Variants in SUGCT observed in about 807,000 individuals in gnomAD.
SUGCT encodes succinyl-CoA:glutarate CoA-transferase.
Under a neutral mutation model 55.0 loss-of-function variants are expected in SUGCT, and 41 were observed. The ratio of observed to expected loss-of-function variants is 0.74; its 90% CI spans 0.58 to 0.97. The LOEUF (loss-of-function observed/expected upper bound fraction) is 0.97, where lower values mean the gene tolerates loss of function less well. Ranked by LOEUF, SUGCT falls within the 50% of genes least tolerant of loss-of-function variation. The pLI, the probability that SUGCT is intolerant of heterozygous loss-of-function variation, is 0.00. For synonymous variants in SUGCT, 187 were observed against 200.4 expected, an observed-to-expected ratio of 0.93 and a Z score of 0.56; for missense variants, 568 against 547.8, an observed-to-expected ratio of 1.04 and a Z score of -0.37.
intron 9 of SUGCT, among the ~76,000 whole-genome samples, chr7:40,448,955 TATATATAG>T (rs955920428): frequency 6.3e-5 from 9 of 143,988 alleles, no homozygotes; most frequent in Non-Finnish European, 1.4e-4. Context: ...TGTGTGTATA[TATATATAG>T]AGAGAGAGAG....
chr7:40,846,908 T>C (rs1317247770), intron 13 of SUGCT, among the ~76,000 whole-genome samples: 1 of 152,198 alleles, frequency 6.6e-6, no homozygotes, highest in Non-Finnish European at 1.5e-5. Flanking sequence ...ATAATGATCC[T>C]ACCTTTTAAA....
At chr7:40,498,246 C>T (rs1792093734) in intron 12 of SUGCT, among the ~76,000 whole-genome samples, 2 of 152,152 alleles carry the variant, frequency 1.3e-5, no homozygotes, top group African/African-American at 4.8e-5. Flanking sequence ...GAAAACCCTC[C>T]AGATGACATC....
chr7:40,948,680 C>G, the SUGCT span, among the ~76,000 whole-genome samples: 1 of 151,930 alleles, frequency 6.6e-6, no homozygotes, highest in South Asian at 2.1e-4. Flanking sequence ...GTTCAACTCC[C>G]ACTTATTAGT....
intron 9 of SUGCT, among the ~76,000 whole-genome samples, chr7:40,405,536 C>T (rs911388542): frequency 4.6e-5 from 7 of 152,000 alleles, no homozygotes; most frequent in African/African-American, 9.7e-5. Flanking sequence ...AGGAGCTGGG[C>T]GTGGTGGCTT....
intron 9 of SUGCT, among the ~76,000 whole-genome samples, chr7:40,329,544 T>G (rs1404549609): frequency 6.6e-6 from 1 of 152,210 alleles, no homozygotes; most frequent in Non-Finnish European, 1.5e-5. Flanking sequence ...CCCCTCCTCC[T>G]TCTCGCCTGA....
intron 13 of SUGCT, among the ~76,000 whole-genome samples, chr7:40,768,375 A>T (rs905124921): frequency 6.6e-6 from 1 of 152,034 alleles, no homozygotes; most frequent in Non-Finnish European, 1.5e-5. Context: ...AGAGTCCTCA[A>T]TGGCACCATG....
intron 13 of SUGCT, among the ~76,000 whole-genome samples, chr7:40,858,060 A>G (rs1209326161): frequency 6.6e-6 from 1 of 152,108 alleles, no homozygotes; most frequent in Admixed American, 6.5e-5. Flanking sequence ...CATTTCCTTC[A>G]ATGTCCTAAT....
At chr7:40,314,581 T>TTTTTTAAA (rs869061757) in intron 8 of SUGCT, among the ~76,000 whole-genome samples, 1 of 148,960 alleles carries the variant, frequency 6.7e-6, no homozygotes, top group African/African-American at 2.5e-5. Flanking sequence ...TTTTTTTTTT[T>TTTTTTAAA]AAGACAGAGT....
intron 12 of SUGCT, among the ~76,000 whole-genome samples, chr7:40,648,381 A>G (rs575168313): frequency 1.3e-5 from 2 of 152,258 alleles, no homozygotes; most frequent in South Asian, 4.1e-4. Context: ...GATGCATGCT[A>G]TTTGGCCTGT....
chr7:40,789,062 T>C (rs1337295382), intron 13 of SUGCT, among the ~76,000 whole-genome samples: 1 of 152,210 alleles, frequency 6.6e-6, no homozygotes, highest in Non-Finnish European at 1.5e-5. Context: ...CTGGGATCCA[T>C]CTAGGCTTTC....
the SUGCT span, among the ~76,000 whole-genome samples, chr7:41,034,518 C>A: frequency 2.0e-5 from 3 of 152,288 alleles, no homozygotes; most frequent in South Asian, 2.1e-4. Context: ...CTGCTCACAT[C>A]TAGACCCACA....
rs1011581222 is a variant in SUGCT at position 40,166,747 on chromosome 7, C to T, written c.101-14200C>T. ...ACTAAAAATACAAAAATTAGTCAGG[C>T]ATGGTGGTGGGTGCCTGTAATTCCA... On this transcript the variant is annotated intron_variant, in intron 1 of 13. Coordinates refer to ENST00000335693, the MANE Select transcript of SUGCT (RefSeq NM_001193313.2). Among the ~76,000 whole-genome samples, 4 of 152,116 alleles carry T rather than the reference C, an allele frequency of 2.6e-5. No homozygotes were observed. The East Asian group carries it at 5.8e-4, about 22-fold the overall frequency.
intron 12 of SUGCT, among the ~76,000 whole-genome samples, chr7:40,741,740 T>A (rs1417229947): frequency 6.6e-6 from 1 of 152,244 alleles, no homozygotes; most frequent in African/African-American, 2.4e-5. Context: ...GCATACTTCA[T>A]ATTAATGGCC....
At chr7:40,985,841 G>T in the SUGCT span, among the ~76,000 whole-genome samples, 1 of 152,192 alleles carries the variant, frequency 6.6e-6, no homozygotes, top group Non-Finnish European at 1.5e-5. Context: ...CAGCCCTTCT[G>T]GATAGTAAAA....
intron 13 of SUGCT, among the ~76,000 whole-genome samples, chr7:40,844,325 A>C (rs980948453): frequency 2.0e-5 from 3 of 152,132 alleles, no homozygotes; most frequent in Non-Finnish European, 4.4e-5. Flanking sequence ...AGGAAGAATC[A>C]GGTCACCCAA....
chr7:40,881,831 A>G, the SUGCT span, among the ~76,000 whole-genome samples: 1 of 152,184 alleles, frequency 6.6e-6, no homozygotes, highest in Non-Finnish European at 1.5e-5. Context: ...GGAAAGCCGA[A>G]GGAGGAGCTT....
At chr7:40,601,833 G>T (rs1335360700) in intron 12 of SUGCT, among the ~76,000 whole-genome samples, 2 of 152,002 alleles carry the variant, frequency 1.3e-5, no homozygotes, top group East Asian at 3.9e-4. Flanking sequence ...GAAGCCAAAA[G>T]ATTGGACACC....
intron 12 of SUGCT, among the ~76,000 whole-genome samples, chr7:40,623,429 T>C (rs1435671719): frequency 3.9e-5 from 6 of 152,198 alleles, no homozygotes; most frequent in Admixed American, 2.6e-4. Flanking sequence ...CTACTGTAAA[T>C]AGGAGAGCTG....
chr7:40,385,310 G>A (rs1280231136), intron 9 of SUGCT, among the ~76,000 whole-genome samples: 2 of 152,254 alleles, frequency 1.3e-5, no homozygotes, highest in East Asian at 3.9e-4. Flanking sequence ...GTATGTATTG[G>A]CTAGGTGATC....
Sources: allele counts gnomAD v4.1 joint callset (sites outside exome capture counted in the v4.1 genomes callset), GRCh38; gene constraint gnomAD v4.1.1; transcripts MANE v1.5; gene names NCBI Gene and HGNC (gene_info 2026-07-23, HGNC 2026-07-21).